The following LRRC8A variants were observed in gnomAD, a reference collection of about 807,000 sequenced individuals.
LRRC8A encodes the protein leucine rich repeat containing 8 VRAC subunit A, also known as volume-regulated anion channel subunit LRRC8A.
LRRC8A carries 24 observed loss-of-function variants against 52.5 expected under a neutral mutation model. The observed-to-expected ratio is 0.46, with a 90% CI of 0.33 to 0.64. The LOEUF is 0.64. Ranked by LOEUF, LRRC8A falls within the 30% of genes least tolerant of loss-of-function variation. LRRC8A has a pLI of 0.02. For missense variants in LRRC8A, 677 were observed against 1,094.7 expected (o/e 0.62, Z 5.38); for synonymous variants, 492 against 494.2 (o/e 1.00, Z 0.06).
At chr9:128,886,392 G>A (rs551110331) in intron 2 of LRRC8A, among the ~76,000 whole-genome samples, 52 of 152,298 alleles carry the variant, frequency 3.4e-4, no homozygotes, top group Non-Finnish European at 6.2e-4. Flanking sequence ...TCTGGGTCTT[G>A]CTAATGCAGC....
Position 128,908,275 on chromosome 9 carries a change from G to T in LRRC8A, c.1111G>T (p.Asp371Tyr). 6.2e-7 allele frequency: 1 copy of T among 1,614,108 alleles called. No individual in the cohort carries two copies. Among genetic ancestry groups the T allele is most frequent in the Non-Finnish European group, 8.5e-7 (1 of 1,180,026 alleles). The change falls in exon 3 of 4, where the codon GAC becomes TAC. Residue 371 changes from aspartate to tyrosine, a missense_variant. Coordinates refer to ENST00000372600, the MANE Select transcript of LRRC8A (RefSeq NM_019594.4). The part of the protein sequence containing the change: ...SYSDIPDVKN[D>Y]FAFMLHLIDQ... ...CAGCGACATCCCCGACGTCAAGAAC[G>T]ACTTCGCCTTCATGCTGCACCTCAT... is the stretch of plus-strand genomic sequence containing the variant.
At position 128,901,389 on chromosome 9, in the gene LRRC8A, G is replaced by A. The variant is rs138082357; in HGVS notation, c.-8-5768G>A. Among the ~76,000 whole-genome samples, 623 of 152,156 alleles carry A rather than the reference G, an allele frequency of 4.1e-3. 12 individuals carry two copies. The highest frequency in any genetic ancestry group is 0.04 in the East Asian group (207 of 5,152). On this transcript the variant is annotated intron_variant, in intron 2 of 3. Coordinates refer to ENST00000372600, the MANE Select transcript of LRRC8A (RefSeq NM_019594.4). Reference sequence around the variant, plus strand: ...TGAGTCAGGGGAATTATTCGAACCTGGGAGGCGGAGATTGCAGTGAGCCCA... The same window carrying A: ...TGAGTCAGGGGAATTATTCGAACCTAGGAGGCGGAGATTGCAGTGAGCCCA...
intron 2 of LRRC8A, among the ~76,000 whole-genome samples, chr9:128,896,758 G>GTC (rs969701665): frequency 6.6e-6 from 1 of 151,656 alleles, no homozygotes; most frequent in African/African-American, 2.4e-5. Flanking sequence ...GTCTTGCTCT[G>GTC]TCACCCATGC....
intron 3 of LRRC8A, among the ~76,000 whole-genome samples, chr9:128,910,432 C>T (rs1369364984): frequency 6.6e-6 from 1 of 152,192 alleles, no homozygotes; most frequent in African/African-American, 2.4e-5. Flanking sequence ...GTGGGTCAAA[C>T]CTGTAATCCG....
rs1386928879 is a variant in LRRC8A, at chr9:128,886,055, G to T, written c.-75G>T. Reference sequence around the variant, plus strand: ...GGAGCAAAAGGAATGCCAGGATCCTGCACAGGCAGACGCGGGCCAGCCTCA... The same window carrying T: ...GGAGCAAAAGGAATGCCAGGATCCTTCACAGGCAGACGCGGGCCAGCCTCA... On this transcript the variant is annotated 5_prime_UTR_variant, in exon 2 of 4. Transcript: ENST00000372600. 2 of 152,452 alleles carry T rather than the reference G, an allele frequency of 1.3e-5. No homozygotes were observed. The highest frequency in any genetic ancestry group is 3.8e-4 in the East Asian group (2 of 5,200). 9.4% of individuals were successfully genotyped at this position (152,452 alleles called of 1,614,324 possible). A position where few individuals can be genotyped will look rare whatever the true frequency, so the allele number is the denominator to read the frequency against.
intron 2 of LRRC8A, among the ~76,000 whole-genome samples, chr9:128,891,280 A>AT (rs201317653): frequency 2.0e-5 from 3 of 151,418 alleles, no homozygotes; most frequent in Non-Finnish European, 4.4e-5. Context: ...AAAAAAAAAA[A>AT]TTAGCCAGGT....
At position 128,899,371 on chromosome 9, in the gene LRRC8A, G is replaced by A. The variant is rs1017352096; in HGVS notation, c.-8-7786G>A. On this transcript the variant is annotated intron_variant, in intron 2 of 3. Coordinates refer to ENST00000372600, the MANE Select transcript of LRRC8A (RefSeq NM_019594.4). This position sits in a 1 kb window ranked among gnomAD's most constrained non-coding sequence, Gnocchi z 4.0. ...GGGGCATTTCTGACCACACCCAGGT[G>A]CACCCCAAGAAGGGCTCTCGGTGGG... Among the ~76,000 whole-genome samples, 2 of 151,892 alleles carry A rather than the reference G, an allele frequency of 1.3e-5. No individual in the cohort carries two copies. Among genetic ancestry groups the A allele is most frequent in the African/African-American group, 2.4e-5 (1 of 41,308 alleles).
At position 128,899,975 on chromosome 9, in the gene LRRC8A, A is replaced by G. The variant is rs1839965080; in HGVS notation, c.-8-7182A>G. Among the ~76,000 whole-genome samples, 1 of 152,234 alleles carries G rather than the reference A, an allele frequency of 6.6e-6. No homozygotes were observed. The highest frequency in any genetic ancestry group is 1.5e-5 in the Non-Finnish European group (1 of 68,028). On this transcript the variant is annotated intron_variant, in intron 2 of 3. Coordinates refer to ENST00000372600, the MANE Select transcript of LRRC8A (RefSeq NM_019594.4). This position sits in a 1 kb window ranked among gnomAD's most constrained non-coding sequence, Gnocchi z 4.0. The stretch of plus-strand genomic sequence containing the variant: ...CAATGGGGACCTCCTGGCTCAGTGC[A>G]GGGGAGAATCTGGCCTTGGCCTTGG...
intron 2 of LRRC8A, among the ~76,000 whole-genome samples, chr9:128,888,793 G>A (rs921300361): frequency 6.6e-6 from 1 of 151,904 alleles, no homozygotes; most frequent in African/African-American, 2.4e-5. Context: ...CCTCCCCCAC[G>A]TCACTTCCTC....
chr9:128,915,812 G>A (rs1840788131), intron 3 of LRRC8A, among the ~76,000 whole-genome samples: 1 of 152,130 alleles, frequency 6.6e-6, no homozygotes, highest in South Asian at 2.1e-4. Context: ...CATCCTTAGA[G>A]CCCACATCAA....
intron 2 of LRRC8A, among the ~76,000 whole-genome samples, chr9:128,903,045 G>A (rs181495208): frequency 2.8e-4 from 43 of 152,300 alleles, no homozygotes; most frequent in African/African-American, 1.0e-3. Flanking sequence ...ACCTGAGCCC[G>A]GTGGTAGAGG....
chr9:128,896,799 G>T (rs1234164254), intron 2 of LRRC8A, among the ~76,000 whole-genome samples: 1 of 151,958 alleles, frequency 6.6e-6, no homozygotes, highest in Non-Finnish European at 1.5e-5. Flanking sequence ...TCTGCTCACC[G>T]CAACCTCCGC....
At chr9:128,887,864 T>C (rs1022473832) in intron 2 of LRRC8A, among the ~76,000 whole-genome samples, 4 of 151,810 alleles carry the variant, frequency 2.6e-5, no homozygotes, top group African/African-American at 7.3e-5. Context: ...AGGATGGTCT[T>C]GATCTCCTGA....
Position 128,907,308 on chromosome 9 carries a change from C to A in LRRC8A, c.144C>A (p.Thr48=). Reference sequence around the variant, plus strand: ...TCTTCGGGGGGACGCTGCAGGTCACCCAAGACAAGATGATCTGCCTGCCTT... The same window carrying A: ...TCTTCGGGGGGACGCTGCAGGTCACACAAGACAAGATGATCTGCCTGCCTT... The part of the protein sequence containing the change: ...IAVFGGTLQV[T]QDKMICLPCK... The change falls in exon 3 of 4, where the codon ACC becomes ACA. Residue 48 remains threonine, a synonymous_variant. Transcript: ENST00000372600. This position sits in a 1 kb window ranked among gnomAD's most constrained non-coding sequence, Gnocchi z 9.3. The A allele has an allele frequency of 6.2e-7, 1 of 1,613,968 alleles. No individual in the cohort carries two copies. Among genetic ancestry groups the A allele is most frequent in the Non-Finnish European group, 8.5e-7 (1 of 1,180,024 alleles).
At chr9:128,893,342 G>T (rs1037699966) in intron 2 of LRRC8A, among the ~76,000 whole-genome samples, 1 of 152,218 alleles carries the variant, frequency 6.6e-6, no homozygotes, top group African/African-American at 2.4e-5. Flanking sequence ...AGGTGGGACC[G>T]TGGAACGACA....
Position 128,907,445 on chromosome 9 carries a change from C to T in LRRC8A, c.281C>T (p.Pro94Leu). The T allele has an allele frequency of 6.2e-7, 1 of 1,613,766 alleles. No individual in the cohort carries two copies. The highest frequency in any genetic ancestry group is 1.1e-5 in the South Asian group (1 of 91,088). ...STILPTPDTG[P>L]TGIKYDLDRH... ...ATTCTGCCGACCCCTGACACGGGCC[C>T]CACAGGCATCAAGTATGACCTGGAC... The change falls in exon 3 of 4, where the codon CCC becomes CTC. Residue 94 changes from proline (P) to leucine (L), a missense_variant. Coordinates refer to ENST00000372600, the MANE Select transcript of LRRC8A (RefSeq NM_019594.4). This position sits in a 1 kb window ranked among gnomAD's most constrained non-coding sequence, Gnocchi z 9.3.
Position 128,907,649 on chromosome 9 carries a change from A to G in LRRC8A, c.485A>G (p.Lys162Arg). 3 of 1,614,114 alleles carry G rather than the reference A, an allele frequency of 1.9e-6. No homozygotes were observed. The highest frequency in any genetic ancestry group is 2.5e-6 in the Non-Finnish European group (3 of 1,180,030). Residue 162 changes from lysine to arginine, a missense_variant, in exon 3 of 4, where the codon AAG becomes AGG. Transcript: ENST00000372600. The surrounding 1 kb of genome is among the most constrained non-coding windows in gnomAD (Gnocchi z 9.3). ...KLEHFVSILL[K>R]CFDSPWTTRA... is the part of the protein sequence containing the mutation. ...GAGCACTTTGTGTCTATCCTGCTGA[A>G]GTGCTTCGACTCGCCCTGGACCACG...
chr9:128,885,195 C>T (rs1368915596), intron 1 of LRRC8A: 1 of 152,426 alleles, frequency 6.6e-6, no homozygotes, highest in Non-Finnish European at 1.5e-5. Context: ...AGTAGATGCT[C>T]ACCAGAGGCT....
intron 2 of LRRC8A, among the ~76,000 whole-genome samples, chr9:128,886,925 G>A (rs1839422092): frequency 6.6e-6 from 1 of 152,130 alleles, no homozygotes; most frequent in South Asian, 2.1e-4. Flanking sequence ...TGAGGAAGCA[G>A]CTTGCCCAGA....
Sources: allele counts gnomAD v4.1 joint callset (sites outside exome capture counted in the v4.1 genomes callset), GRCh38; gene constraint gnomAD v4.1.1; non-coding constraint Gnocchi (gnomAD v3.1); transcripts MANE v1.5; gene names NCBI Gene and HGNC (gene_info 2026-07-23, HGNC 2026-07-21).